CPED1: variants seen among roughly 807,000 people sequenced by gnomAD.
The protein encoded by CPED1 is cadherin like and PC-esterase domain containing 1, also known as cadherin-like and PC-esterase domain-containing protein 1.
Under a neutral mutation model 128.2 loss-of-function variants are expected in CPED1, and 114 were observed. The observed-to-expected ratio is 0.89, with a 90% CI of 0.76 to 1.04. CPED1 has a LOEUF of 1.04. Ranked by LOEUF, CPED1 falls within the 50% of genes least tolerant of loss-of-function variation. The pLI, the probability that CPED1 is intolerant of heterozygous loss-of-function variation, is 0.00. For missense variants in CPED1, 1,211 were observed against 1,207.1 expected (o/e 1.00, Z -0.05); for synonymous variants, 462 against 426.7 (o/e 1.08, Z -1.02).
chr7:121,054,785 C>A (rs1310267155), intron 4 of CPED1, among the ~76,000 whole-genome samples: 1 of 151,934 alleles, frequency 6.6e-6, no homozygotes, highest in Non-Finnish European at 1.5e-5. Flanking sequence ...GCAGAATGGT[C>A]CCATTATCTC....
intron 2 of CPED1, among the ~76,000 whole-genome samples, chr7:121,004,251 G>C (rs1025407495): frequency 3.3e-5 from 5 of 152,210 alleles, no homozygotes; most frequent in African/African-American, 9.7e-5. Flanking sequence ...GGAGAAGGCA[G>C]GAGCCAGAGA....
intron 11 of CPED1, among the ~76,000 whole-genome samples, chr7:121,129,297 A>ATATATACACG (rs1193169816): frequency 9.3e-4 from 6 of 6,458 alleles, no homozygotes; most frequent in Admixed American, 5.2e-3. Context: ...GTATATATAT[A>ATATATACACG]TATATATATA....
chr7:121,236,217 T>C (rs1354657971), intron 16 of CPED1, among the ~76,000 whole-genome samples: 1 of 152,182 alleles, frequency 6.6e-6, no homozygotes, highest in Non-Finnish European at 1.5e-5. Flanking sequence ...TGATATTCAG[T>C]GCAGTGAAAT....
rs1352253185 is a variant in CPED1 at position 121,125,837 on chromosome 7, A to C, written c.1079A>C (p.Gln360Pro). Residue 360 changes from glutamine to proline, a missense_variant, in exon 9 of 23, where the codon CAA becomes CCA. Gln to Pro is a moderately conservative substitution (Grantham distance 76, BLOSUM62 -1). Coordinates refer to ENST00000310396, the MANE Select transcript of CPED1 (RefSeq NM_024913.5). ...KTFHRCRFCF[Q>P]LLTFDIGYGS... The stretch of plus-strand genomic sequence containing the variant: ...CATTTTAGATGCAGATTCTGCTTTC[A>C]ACTTCTAACTTTTGATATTGGTTAT... 1 of 1,613,296 alleles carries C rather than the reference A, an allele frequency of 6.2e-7. No individual in the cohort carries two copies.
intron 16 of CPED1, among the ~76,000 whole-genome samples, chr7:121,221,876 A>T (rs1205061505): frequency 6.6e-6 from 1 of 152,102 alleles, no homozygotes. Flanking sequence ...AGATGGGTAG[A>T]TTGCAAAAAT....
chr7:121,026,871 C>T (rs994803503), intron 3 of CPED1, among the ~76,000 whole-genome samples: 1 of 127,690 alleles, frequency 7.8e-6, no homozygotes, highest in African/African-American at 2.9e-5. Flanking sequence ...GGCTTTGTTG[C>T]CCAGGCTGGA....
chr7:121,256,596 T>C (rs922275246), intron 18 of CPED1, among the ~76,000 whole-genome samples: 2 of 152,100 alleles, frequency 1.3e-5, no homozygotes, highest in Non-Finnish European at 2.9e-5. Context: ...TTATACACTG[T>C]TGGTGGGAAT....
intron 9 of CPED1, 21 bp downstream of exon 9, chr7:121,125,913 A>C (rs772039513): frequency 2.0e-6 from 3 of 1,509,446 alleles, no homozygotes; most frequent in South Asian, 2.3e-5. Flanking sequence ...CAAAGGCCTC[A>C]TGTGAGCTTC....
intron 2 of CPED1, among the ~76,000 whole-genome samples, chr7:121,000,745 T>A (rs1224463698): frequency 6.6e-6 from 1 of 152,152 alleles, no homozygotes; most frequent in Non-Finnish European, 1.5e-5. Flanking sequence ...TCAAGCCTGT[T>A]AAGTATATTG....
chr7:121,205,500 G>T (rs914133757), intron 16 of CPED1, among the ~76,000 whole-genome samples: 4 of 151,816 alleles, frequency 2.6e-5, no homozygotes, highest in Non-Finnish European at 5.9e-5. Context: ...ACTTTCAGAG[G>T]TTTCTAGTGT....
intron 16 of CPED1, among the ~76,000 whole-genome samples, chr7:121,153,753 TA>T (rs1356508695): frequency 2.6e-5 from 4 of 152,246 alleles, no homozygotes; most frequent in African/African-American, 9.6e-5. Context: ...GACCATTGCA[TA>T]ACACAGGATT....
At chr7:121,120,352 G>A (rs997828077) in intron 7 of CPED1, among the ~76,000 whole-genome samples, 2 of 152,200 alleles carry the variant, frequency 1.3e-5, no homozygotes, top group African/African-American at 4.8e-5. Flanking sequence ...TAATGGGTGT[G>A]AAGTAATATC....
At chr7:121,291,445 T>C (rs1220375960) in intron 22 of CPED1, among the ~76,000 whole-genome samples, 1 of 152,254 alleles carries the variant, frequency 6.6e-6, no homozygotes, top group African/African-American at 2.4e-5. Flanking sequence ...TGGAATGTTT[T>C]TCCATTTGTT....
chr7:121,170,212 C>T (rs888071562), intron 16 of CPED1, among the ~76,000 whole-genome samples: 5 of 152,208 alleles, frequency 3.3e-5, no homozygotes, highest in Admixed American at 6.5e-5. Context: ...CACTGCATCT[C>T]TCTTCAGATG....
chr7:121,253,923 G>A (rs914876025), intron 18 of CPED1, among the ~76,000 whole-genome samples: 6 of 151,908 alleles, frequency 3.9e-5, no homozygotes, highest in African/African-American at 1.2e-4. Flanking sequence ...CATAAAACAC[G>A]TTCTTGTTGG....
chr7:121,234,702 A>G (rs1055029887), intron 16 of CPED1, among the ~76,000 whole-genome samples: 1 of 118,982 alleles, frequency 8.4e-6, no homozygotes, highest in Admixed American at 8.1e-5. Flanking sequence ...AACACATTCT[A>G]CAGTCCAGGA....
rs1326217221 is a variant in CPED1, at chr7:121,296,231, AG to A, written c.*582del. The stretch of plus-strand genomic sequence containing the variant: ...AGGAAAAGAACAGGAATGTTCCACA[AG>A]GGAATTTGAAGAGATTCTGTGAGAG... On this transcript the variant is annotated 3_prime_UTR_variant, in exon 23 of 23. Transcript: ENST00000310396. The A allele has an allele frequency of 6.6e-6, 1 of 152,434 alleles. No individual in the cohort carries two copies. The highest frequency in any genetic ancestry group is 6.5e-5 in the Admixed American group (1 of 15,288). The allele number at this position is 152,434 out of a possible 1,614,324, so 9.4% of individuals were successfully genotyped here. A position where few individuals can be genotyped will look rare whatever the true frequency, so the allele number is the denominator to read the frequency against.
intron 22 of CPED1, among the ~76,000 whole-genome samples, chr7:121,287,238 T>C (rs1792599491): frequency 6.6e-6 from 1 of 152,024 alleles, no homozygotes; most frequent in African/African-American, 2.4e-5. Flanking sequence ...AGTGCCACCC[T>C]TTTATACCCC....
At chr7:121,037,539 T>C (rs1792926857) in intron 3 of CPED1, among the ~76,000 whole-genome samples, 1 of 152,230 alleles carries the variant, frequency 6.6e-6, no homozygotes, top group African/African-American at 2.4e-5. Flanking sequence ...TTGGTGACTA[T>C]GGCCTTATAG....
Sources: gnomAD v4.1 joint callset for allele counts (sites outside exome capture counted in the v4.1 genomes callset) on GRCh38, gnomAD v4.1.1 for gene constraint, MANE v1.5 for transcripts, NCBI Gene and HGNC (gene_info 2026-07-23, HGNC 2026-07-21) for gene names.